Variants in MLLT10 observed in about 807,000 individuals in gnomAD.
MLLT10 encodes protein AF-10.
MLLT10 carries 30 observed loss-of-function variants against 129.1 expected under a neutral mutation model. The observed-to-expected ratio is 0.23, with a 90% confidence interval of 0.17 to 0.32. MLLT10 has a LOEUF of 0.32. Among genes scored for constraint, MLLT10 ranks in the 10% least tolerant of loss-of-function variants. MLLT10 has a pLI of 1.00. For synonymous variants in MLLT10, 490 were observed against 446.4 expected, an observed-to-expected ratio of 1.10 and a Z score of -1.23; for missense variants, 1,119 against 1,268.3, an observed-to-expected ratio of 0.88 and a Z score of 1.79.
Position 21,561,811 on chromosome 10 carries a change from GT to G in MLLT10, c.240+22910del, listed in dbSNP as rs940732295. Among the ~76,000 whole-genome samples the G allele has an allele frequency of 1.1e-4, 16 of 146,774 alleles. No individual in the cohort carries two copies. In the East Asian group the frequency reaches 1.2e-3, roughly 11 times the overall value. On this transcript the variant is annotated intron_variant, in intron 3 of 22. Coordinates refer to ENST00000307729, the MANE Select transcript of MLLT10 (RefSeq NM_001195626.3). ...GCTCTGTTTTTATGCCAGTACAACA[GT>G]TTTTTTTTTTGAGGTGGAGTTTCAC...
chr10:21,695,666 T>C (rs1791374270), intron 13 of MLLT10, among the ~76,000 whole-genome samples: 1 of 152,216 alleles, frequency 6.6e-6, no homozygotes, highest in Non-Finnish European at 1.5e-5. Flanking sequence ...ATCGTGGGGA[T>C]TGGTTCCTTC....
At chr10:21,534,600 T>G in intron 1 of MLLT10, 45 bp from the exon 2 acceptor site, 1 of 1,578,622 alleles carries the variant, frequency 6.3e-7, no homozygotes, top group Non-Finnish European at 8.6e-7. Flanking sequence ...GAAGCACTAA[T>G]CGGCTTGCAT....
At chr10:21,617,022 T>C (rs2045333395) in intron 7 of MLLT10, 90 bp from the exon 8 acceptor site, 1 of 479,260 alleles carries the variant, frequency 2.1e-6, no homozygotes, top group Non-Finnish European at 3.3e-6. Context: ...AAAAATACTT[T>C]ATAGTTGAAT....
chr10:21,665,653 T>G (rs2050714047), intron 9 of MLLT10, among the ~76,000 whole-genome samples: 1 of 152,110 alleles, frequency 6.6e-6, no homozygotes, highest in Non-Finnish European at 1.5e-5. Flanking sequence ...GTTGCAATCT[T>G]TGCTTTTTAA....
At chr10:21,602,656 CTGT>C (rs1025551666) in intron 5 of MLLT10, among the ~76,000 whole-genome samples, 1 of 151,902 alleles carries the variant, frequency 6.6e-6, no homozygotes, top group Non-Finnish European at 1.5e-5. Flanking sequence ...TTTTTTGAAA[CTGT>C]TGTTGTGCCA....
At position 21,534,503 on chromosome 10, in the gene MLLT10, C is replaced by T. The variant is rs7477898; in HGVS notation, c.-18C>T. ...TGACTCCTGTGCGGAACGTGAGTGA[C>T]TGAGCGGCAAAGCCCGAGTGAGCGA... On this transcript the variant is annotated 5_prime_UTR_variant, in exon 1 of 23. Transcript: ENST00000307729. 1.3e-5 allele frequency: 11 copies of T among 844,680 alleles called. No homozygotes were observed. The highest frequency in any genetic ancestry group is 1.8e-5 in the Non-Finnish European group (10 of 562,692). 52.3% of individuals were successfully genotyped at this position (844,680 alleles called of 1,614,324 possible). A position where few individuals can be genotyped will look rare whatever the true frequency, so the allele number is the denominator to read the frequency against.
At chr10:21,680,744 G>A (rs551034232) in intron 11 of MLLT10, among the ~76,000 whole-genome samples, 1 of 152,210 alleles carries the variant, frequency 6.6e-6, no homozygotes, top group African/African-American at 2.4e-5. Context: ...GGTCAAGGCA[G>A]GCAGATCACT....
chr10:21,593,926 T>TAAAAAAA (rs61561146), intron 4 of MLLT10, among the ~76,000 whole-genome samples: 34 of 45,426 alleles, frequency 7.5e-4, no homozygotes, highest in African/African-American at 3.1e-3. Context: ...GCTTTGTCTT[T>TAAAAAAA]AAAAAAAAAA....
At chr10:21,631,022 A>G (rs1319017442) in intron 8 of MLLT10, among the ~76,000 whole-genome samples, 1 of 152,170 alleles carries the variant, frequency 6.6e-6, no homozygotes, top group Non-Finnish European at 1.5e-5. Context: ...TTGCCTAAAG[A>G]AAAGTACGTC....
Position 21,733,563 on chromosome 10 carries a change from C to T in MLLT10, c.2467C>T (p.Pro823Ser), listed in dbSNP as rs748577714. ...CCCTCATATAGGAAACAGCTTTTTA[C>T]CTGATAATTCTCTTCCTGTATTAAA... ...KSPHIGNSFL[P>S]DNSLPVLNQD... is the part of the protein sequence containing the mutation. The change falls in exon 19 of 23, where the codon CCT (proline) becomes TCT (serine). Residue 823 changes from proline (P) to serine (S), a missense_variant. By Grantham distance (74) the Pro-to-Ser change is moderately conservative. Around this residue, in one of 5 missense-constraint regions of MLLT10, gnomAD observed 1,004 missense variants for 1,008.7 expected, o/e 1.00. Transcript: ENST00000307729. The T allele has an allele frequency of 1.5e-5, 23 of 1,574,782 alleles. No homozygotes were observed. The highest frequency in any genetic ancestry group is 2.2e-5 in the East Asian group (1 of 44,578).
At chr10:21,695,061 C>CTTTTTTTTTTTTTT (rs71393922) in intron 13 of MLLT10, among the ~76,000 whole-genome samples, 11 of 104,036 alleles carry the variant, frequency 1.1e-4, no homozygotes, top group African/African-American at 1.1e-4. Context: ...TTTCTACCTT[C>CTTTTTTTTTTTTTT]TTTTTTTTTT....
Position 21,735,253 on chromosome 10 carries a change from A to G in MLLT10, c.2955+18A>G. On this transcript the variant is annotated intron_variant, in intron 21 of 22. Transcript: ENST00000307729. ...TCACACCAGTAAGTTCTTTCTTTTG[A>G]TAATATCTTATTAGGAGCATGTGTT... The G allele has an allele frequency of 1.9e-6, 3 of 1,544,288 alleles. No homozygotes were observed. Among genetic ancestry groups the G allele is most frequent in the African/African-American group, 1.4e-5 (1 of 73,566 alleles).
Position 21,673,925 on chromosome 10 carries a change from G to T in MLLT10, c.1621+6G>T, listed in dbSNP as rs752876912. The T allele has an allele frequency of 2.6e-6, 4 of 1,554,094 alleles. No individual in the cohort carries two copies. The highest frequency in any genetic ancestry group is 3.5e-6 in the Non-Finnish European group (4 of 1,153,666). ...CTCATCTCCAGTTGGTTCAGGTAGG[G>T]GTTTGCCTATTATTATTTTTCTCCT... On this transcript the variant is annotated splice_donor_region_variant and intron_variant, in intron 11 of 22. Transcript: ENST00000307729.
intron 21 of MLLT10, among the ~76,000 whole-genome samples, chr10:21,736,618 C>A (rs1295485970): frequency 6.6e-6 from 1 of 152,202 alleles, no homozygotes; most frequent in Admixed American, 6.5e-5. Context: ...GACTTGTTTG[C>A]TGGACATACA....
At chr10:21,656,153 A>G (rs1193348678) in intron 9 of MLLT10, among the ~76,000 whole-genome samples, 1 of 152,082 alleles carries the variant, frequency 6.6e-6, no homozygotes, top group Non-Finnish European at 1.5e-5. Context: ...GGCTGGTAGA[A>G]GCCTTCAGTC....
At chr10:21,558,457 A>C (rs528224652) in intron 3 of MLLT10, among the ~76,000 whole-genome samples, 2 of 152,178 alleles carry the variant, frequency 1.3e-5, no homozygotes, top group African/African-American at 4.8e-5. Context: ...CCTATCTCTA[A>C]GAAAAAAGAA....
chr10:21,641,526 C>T (rs941101896), intron 8 of MLLT10, among the ~76,000 whole-genome samples: 1 of 152,126 alleles, frequency 6.6e-6, no homozygotes, highest in Non-Finnish European at 1.5e-5. Flanking sequence ...ATGTGTGGTG[C>T]GTGCCTATAG....
At position 21,534,788 on chromosome 10, in the gene MLLT10, C is replaced by G. The variant is rs200260532; in HGVS notation, c.144C>G (p.Ser48Arg). The G allele has an allele frequency of 6.2e-7, 1 of 1,608,824 alleles. No individual in the cohort carries two copies. The change falls in exon 2 of 23, where the codon AGC (serine) becomes AGG (arginine). Residue 48 changes from serine (S) to arginine (R), a missense_variant. This residue lies in a region of MLLT10 where 33 missense variants were observed against 76.9 expected (regional missense o/e 0.43). Coordinates refer to ENST00000307729, the MANE Select transcript of MLLT10 (RefSeq NM_001195626.3). The part of the protein sequence containing the change: ...PLVYCDGHGC[S>R]VAVHQACYGI... Reference sequence around the variant, plus strand: ...TTTATTGCGACGGGCACGGCTGCAGCGTCGCGGTGCATCAAGGTAAACACC... The same window carrying G: ...TTTATTGCGACGGGCACGGCTGCAGGGTCGCGGTGCATCAAGGTAAACACC...
chr10:21,549,764 G>A (rs1454018265), intron 3 of MLLT10, among the ~76,000 whole-genome samples: 1 of 149,346 alleles, frequency 6.7e-6, no homozygotes, highest in African/African-American at 2.5e-5. Flanking sequence ...TTAGCTTCCC[G>A]AGTAGCTGGG....
Sources: allele counts gnomAD v4.1 joint callset (sites outside exome capture counted in the v4.1 genomes callset), GRCh38; gene constraint gnomAD v4.1.1; regional missense constraint gnomAD v4.1.1; transcripts MANE v1.5; gene names NCBI Gene and HGNC (gene_info 2026-07-23, HGNC 2026-07-21).